Variants in HMGCS1 observed in about 807,000 individuals in gnomAD.
HMGCS1 encodes the protein 3-hydroxy-3-methylglutaryl-CoA synthase 1.
A neutral mutation model predicts 52.3 loss-of-function variants in HMGCS1; 9 were observed. The ratio of observed to expected loss-of-function variants is 0.17; its 90% CI spans 0.10 to 0.30. The LOEUF (loss-of-function observed/expected upper bound fraction) is 0.30, where lower values mean the gene tolerates loss of function less well. Ranked by LOEUF, HMGCS1 falls within the 10% of genes least tolerant of loss-of-function variation. The pLI is 1.00. For synonymous variants in HMGCS1, 176 were observed against 214.4 expected, an observed-to-expected ratio of 0.82 and a Z score of 1.57; for missense variants, 320 against 620.9, an observed-to-expected ratio of 0.52 and a Z score of 5.15.
chr5:43,291,307 CTT>C (rs1753755306), intron 10 of HMGCS1, 87 bp from the exon 11 acceptor site: 2 of 832,770 alleles, frequency 2.4e-6, no homozygotes, highest in African/African-American at 3.4e-5. Flanking sequence ...TGTAAAGAAA[CTT>C]AATAAAGGAC....
chr5:43,301,570 CAT>C (rs1754319235), intron 2 of HMGCS1, among the ~76,000 whole-genome samples: 1 of 152,142 alleles, frequency 6.6e-6, no homozygotes, highest in African/African-American at 2.4e-5. Flanking sequence ...ATTATTCATA[CAT>C]ATATAAAGTA....
chr5:43,307,523 C>T (rs1228194960), intron 2 of HMGCS1, among the ~76,000 whole-genome samples: 1 of 152,080 alleles, frequency 6.6e-6, no homozygotes, highest in Non-Finnish European at 1.5e-5. Context: ...AGTACTTTTT[C>T]TCTTATGAGT....
At position 43,298,373 on chromosome 5, in the gene HMGCS1, A is replaced by C. The variant is rs1282385076; in HGVS notation, c.448+145T>G. The C allele has an allele frequency of 2.9e-6, 2 of 684,576 alleles. No homozygotes were observed. The highest frequency in any genetic ancestry group is 4.9e-6 in the Non-Finnish European group (2 of 411,624). 42.4% of individuals were successfully genotyped at this position (684,576 alleles called of 1,614,324 possible). On this transcript the variant is annotated intron_variant, in intron 3 of 10. Coordinates refer to ENST00000325110, the MANE Select transcript of HMGCS1 (RefSeq NM_001098272.3). This position sits in a 1 kb window ranked among gnomAD's most constrained non-coding sequence, Gnocchi z 5.6. Reference sequence around the variant, plus strand: ...ACCAATTCACAATTCGGATAATGACAGACAGGTAAAATATCTTTCTTAATA... The same window carrying C: ...ACCAATTCACAATTCGGATAATGACCGACAGGTAAAATATCTTTCTTAATA...
chr5:43,294,571 G>A (rs2111646585), intron 7 of HMGCS1, 120 bp downstream of exon 7: 1 of 633,208 alleles, frequency 1.6e-6, no homozygotes, highest in Non-Finnish European at 2.7e-6. Context: ...GCAGATTAGA[G>A]AGCCTCAAGA....
chr5:43,305,895 T>G (rs1423072492), intron 2 of HMGCS1, among the ~76,000 whole-genome samples: 1 of 152,070 alleles, frequency 6.6e-6, no homozygotes, highest in African/African-American at 2.4e-5. Context: ...GTTTTTAATT[T>G]TTTACAGATA....
intron 2 of HMGCS1, among the ~76,000 whole-genome samples, chr5:43,303,628 C>T (rs899272877): frequency 1.6e-4 from 25 of 152,154 alleles, no homozygotes; most frequent in Middle Eastern, 3.2e-3. Context: ...ACTGTATGGC[C>T]CATTTTACCA....
At chr5:43,305,544 C>T (rs571197329) in intron 2 of HMGCS1, among the ~76,000 whole-genome samples, 19 of 151,672 alleles carry the variant, frequency 1.3e-4, no homozygotes, top group African/African-American at 2.4e-4. Context: ...CCGAGGTGGG[C>T]GGATCACTTA....
At chr5:43,311,263 T>C (rs1435900423) in intron 1 of HMGCS1, among the ~76,000 whole-genome samples, 3 of 143,930 alleles carry the variant, frequency 2.1e-5, no homozygotes, top group East Asian at 4.0e-4. Context: ...TAAGTTGCAG[T>C]GAGCCGAGAT....
chr5:43,308,098 C>T lies in HMGCS1; in HGVS notation c.-69-274G>A, dbSNP rs181041066. 2.6e-5 allele frequency among the ~76,000 whole-genome samples: 4 copies of T among 152,094 alleles called. No individual in the cohort carries two copies. The East Asian group carries it at 7.7e-4, about 29-fold the overall frequency. On this transcript the variant is annotated intron_variant, in intron 1 of 10. Coordinates refer to ENST00000325110, the MANE Select transcript of HMGCS1 (RefSeq NM_001098272.3). Reference sequence around the variant, plus strand: ...TTGCAGGAAGGAATAAACAAAAAAACCTCAAGGAAATAAGAAGCCCATGTC... The same window carrying T: ...TTGCAGGAAGGAATAAACAAAAAAATCTCAAGGAAATAAGAAGCCCATGTC...
rs6863360 is a variant in HMGCS1 at position 43,298,413 on chromosome 5, C to T, written c.448+105G>A. On this transcript the variant is annotated intron_variant, in intron 3 of 10. Coordinates refer to ENST00000325110, the MANE Select transcript of HMGCS1 (RefSeq NM_001098272.3). The surrounding 1 kb of genome is among the most constrained non-coding windows in gnomAD (Gnocchi z 5.6). ...CTTTCTTAATATATCCAAACAAGGA[C>T]AAATTACAAAAGTTTGCGTATTGCA... 452,854 of 823,552 alleles carry T rather than the reference C, an allele frequency of 0.55. 129,572 individuals are homozygous for T. Among genetic ancestry groups the T allele is most frequent in the African/African-American group, 0.84 (49,097 of 58,230 alleles). The allele number at this position is 823,552 out of a possible 1,614,324, so 51.0% of individuals were successfully genotyped here.
chr5:43,303,238 A>C (rs1373580640), intron 2 of HMGCS1, among the ~76,000 whole-genome samples: 1 of 152,236 alleles, frequency 6.6e-6, no homozygotes, highest in Non-Finnish European at 1.5e-5. Flanking sequence ...CACCAAATTC[A>C]TATGTTGAAG....
At chr5:43,293,457 C>T (rs1449968545) in intron 8 of HMGCS1, among the ~76,000 whole-genome samples, 1 of 152,018 alleles carries the variant, frequency 6.6e-6, no homozygotes, top group Non-Finnish European at 1.5e-5. Context: ...TTTGCTCTTT[C>T]CTGCTCAGGG....
intron 4 of HMGCS1, among the ~76,000 whole-genome samples, chr5:43,297,735 A>C (rs1022939022): frequency 6.6e-6 from 1 of 151,428 alleles, no homozygotes; most frequent in Non-Finnish European, 1.5e-5. Context: ...GCTACTCAGG[A>C]GGCTGAGGCA....
intron 6 of HMGCS1, among the ~76,000 whole-genome samples, chr5:43,295,101 G>A (rs563780751): frequency 3.3e-5 from 5 of 152,206 alleles, no homozygotes; most frequent in South Asian, 2.1e-4. Context: ...GTTAAAAGAC[G>A]CACTGTAGCT....
At position 43,298,205 on chromosome 5, in the gene HMGCS1, G is replaced by A. The variant is rs931456626; in HGVS notation, c.449-71C>T. The A allele has an allele frequency of 1.3e-5, 17 of 1,324,394 alleles. No homozygotes were observed. The highest frequency in any genetic ancestry group is 2.9e-5 in the African/African-American group (2 of 67,974). The allele number at this position is 1,324,394 out of a possible 1,614,324, so 82.0% of individuals were successfully genotyped here. A position where few individuals can be genotyped will look rare whatever the true frequency, so the allele number is the denominator to read the frequency against. On this transcript the variant is annotated intron_variant, in intron 3 of 10. Coordinates refer to ENST00000325110, the MANE Select transcript of HMGCS1 (RefSeq NM_001098272.3). This position sits in a 1 kb window ranked among gnomAD's most constrained non-coding sequence, Gnocchi z 5.6. The stretch of plus-strand genomic sequence containing the variant: ...TAACCAAACATGGAAACTGAAGTCT[G>A]TTATATTTTCCCCAGAATATGCTTT...
intron 9 of HMGCS1, 71 bp downstream of exon 9, chr5:43,292,777 C>A: frequency 6.5e-7 from 1 of 1,534,436 alleles, no homozygotes; most frequent in Admixed American, 1.7e-5. Flanking sequence ...ATATCCTTAT[C>A]GTATATGTAG....
chr5:43,302,540 G>T (rs983879878), intron 2 of HMGCS1, among the ~76,000 whole-genome samples: 3 of 152,170 alleles, frequency 2.0e-5, no homozygotes, highest in South Asian at 4.1e-4. Context: ...TCAGAAATTG[G>T]GATTCCTCTT....
At chr5:43,292,710 G>A in intron 9 of HMGCS1, 73 bp from the exon 10 acceptor site, 2 of 1,515,562 alleles carry the variant, frequency 1.3e-6, no homozygotes, top group Non-Finnish European at 1.8e-6. Flanking sequence ...CTAAAGATAA[G>A]TTTCATATAT....
At chr5:43,312,198 G>A (rs918908578) in intron 1 of HMGCS1, among the ~76,000 whole-genome samples, 2 of 152,150 alleles carry the variant, frequency 1.3e-5, no homozygotes, top group Non-Finnish European at 2.9e-5. Context: ...AACTCTAGGA[G>A]CACTTCCATT....
Sources: allele counts gnomAD v4.1 joint callset (sites outside exome capture counted in the v4.1 genomes callset), GRCh38; gene constraint gnomAD v4.1.1; non-coding constraint Gnocchi (gnomAD v3.1); transcripts MANE v1.5; gene names NCBI Gene and HGNC (gene_info 2026-07-23, HGNC 2026-07-21).